The following RRAS2 variants were observed in gnomAD, a reference collection of about 807,000 sequenced individuals.
The protein encoded by RRAS2 is ras-related protein R-Ras2.
In RRAS2, 7 loss-of-function variants were observed where a neutral mutation model predicts 27.6. The observed-to-expected ratio is 0.25, with a 90% CI of 0.14 to 0.48. The LOEUF is 0.48. Ranked by LOEUF, RRAS2 falls within the 20% of genes least tolerant of loss-of-function variation. The pLI is 0.99. For missense variants in RRAS2, 178 were observed against 256.2 expected (o/e 0.69, Z 2.08); for synonymous variants, 86 against 90.9 (o/e 0.95, Z 0.31).
intron 4 of RRAS2, among the ~76,000 whole-genome samples, chr11:14,292,434 A>G (rs1360561257): frequency 1.3e-5 from 2 of 152,138 alleles, no homozygotes; most frequent in African/African-American, 2.4e-5. Context: ...AACTCCTTCA[A>G]TGCACATCTA....
chr11:14,305,541 T>C (rs908701608), intron 1 of RRAS2, among the ~76,000 whole-genome samples: 1 of 152,208 alleles, frequency 6.6e-6, no homozygotes, highest in Non-Finnish European at 1.5e-5. Context: ...CAGCCTGACC[T>C]AACTCCCCAC....
At chr11:14,314,714 G>C (rs1848056000) in intron 1 of RRAS2, among the ~76,000 whole-genome samples, 1 of 152,150 alleles carries the variant, frequency 6.6e-6, no homozygotes, top group African/African-American at 2.4e-5. Context: ...TGTTGAGATG[G>C]AGTCTCACTC....
At position 14,279,400 on chromosome 11, in the gene RRAS2, A is replaced by T. The variant is rs11023174; in HGVS notation, c.552T>A (p.Pro184=). The T allele has an allele frequency of 6.2e-7, 1 of 1,612,334 alleles. No homozygotes were observed. The highest frequency in any genetic ancestry group is 1.1e-5 in the South Asian group (1 of 91,048). ...VIRKFQEQEC[P]PSPEPTRKEK... ...CTTTCCGTGTTGGTTCTGGTGAAGGAGGACATTCCTGCTCTTGAAATTTCC... is the reference window on the plus strand; with the variant it reads ...CTTTCCGTGTTGGTTCTGGTGAAGGTGGACATTCCTGCTCTTGAAATTTCC... Residue 184 remains proline (P), a synonymous_variant, in exon 6 of 6, where the codon CCT becomes CCA. Coordinates refer to ENST00000256196, the MANE Select transcript of RRAS2 (RefSeq NM_012250.6).
intron 1 of RRAS2, among the ~76,000 whole-genome samples, chr11:14,331,477 C>T (rs868969073): frequency 1.3e-5 from 2 of 151,668 alleles, no homozygotes; most frequent in Admixed American, 1.3e-4. Flanking sequence ...CCATTGTACA[C>T]GATGTAGAAA....
intron 1 of RRAS2, among the ~76,000 whole-genome samples, chr11:14,324,163 C>A (rs1848293421): frequency 1.3e-5 from 2 of 151,552 alleles, no homozygotes; most frequent in South Asian, 4.2e-4. Context: ...ATTATCTGCA[C>A]AGGAAACAAT....
chr11:14,364,264 G>A, intron 1 of RRAS2: 1 of 873,096 alleles, frequency 1.1e-6, no homozygotes, highest in Non-Finnish European at 1.8e-6. Context: ...CAGGATCTGA[G>A]GGTAGAGTGG....
At chr11:14,363,445 G>A (rs782262643), upstream of RRAS2, among the ~76,000 whole-genome samples, 5 of 152,302 alleles carry the variant, frequency 3.3e-5, no homozygotes, top group South Asian at 2.1e-4. Flanking sequence ...CTGAGGACAC[G>A]GACTTAGAAT....
chr11:14,281,568 A>T (rs782348756), intron 5 of RRAS2, 34 bp downstream of exon 5: 1 of 1,500,702 alleles, frequency 6.7e-7, no homozygotes, highest in East Asian at 2.4e-5. Context: ...ATAGTAATTT[A>T]TTAAAACACA....
At chr11:14,282,090 C>T (rs548894896) in intron 4 of RRAS2, among the ~76,000 whole-genome samples, 5 of 152,092 alleles carry the variant, frequency 3.3e-5, no homozygotes, top group Non-Finnish European at 5.9e-5. Context: ...CAGAAGATAA[C>T]AGAGTATGGA....
At chr11:14,294,219 T>G (rs940652924) in intron 4 of RRAS2, among the ~76,000 whole-genome samples, 2 of 152,250 alleles carry the variant, frequency 1.3e-5, no homozygotes, top group Admixed American at 6.5e-5. Context: ...TGCAGGCTTA[T>G]AAAGTCTTAT....
intron 1 of RRAS2, among the ~76,000 whole-genome samples, chr11:14,345,621 C>T (rs1848813192): frequency 6.6e-6 from 1 of 152,330 alleles, no homozygotes; most frequent in South Asian, 2.1e-4. Flanking sequence ...CACTCTTCCA[C>T]TTGCCTCACT....
intron 1 of RRAS2, among the ~76,000 whole-genome samples, chr11:14,307,166 G>A (rs1241931027): frequency 6.6e-6 from 1 of 151,220 alleles, no homozygotes; most frequent in East Asian, 1.9e-4. Flanking sequence ...ACTCCAGCCT[G>A]GGTAACAGAG....
At chr11:14,282,568 C>CTTA (rs1335602861) in intron 4 of RRAS2, among the ~76,000 whole-genome samples, 1 of 151,738 alleles carries the variant, frequency 6.6e-6, no homozygotes, top group African/African-American at 2.4e-5. Context: ...TATAGTGGGG[C>CTTA]TTAAAATTAT....
chr11:14,278,683 A>G lies in RRAS2; in HGVS notation c.*654T>C, dbSNP rs1301841203. 1 of 152,278 alleles carries G rather than the reference A, an allele frequency of 6.6e-6. No homozygotes were observed. Among genetic ancestry groups the G allele is most frequent in the African/African-American group, 2.4e-5 (1 of 41,468 alleles). The allele number at this position is 152,278 out of a possible 1,614,324, so 9.4% of individuals were successfully genotyped here. On this transcript the variant is annotated 3_prime_UTR_variant, in exon 6 of 6. Transcript: ENST00000256196. The stretch of plus-strand genomic sequence containing the variant: ...AAGTACACTGAAATATCTAAGTCCT[A>G]AATGAGTCCAAATATTTGACCACAT...
chr11:14,317,884 T>C (rs547949015), intron 1 of RRAS2, among the ~76,000 whole-genome samples: 1 of 152,222 alleles, frequency 6.6e-6, no homozygotes, highest in South Asian at 2.1e-4. Flanking sequence ...TGAGCTACGA[T>C]TGCACCACTG....
intron 1 of RRAS2, among the ~76,000 whole-genome samples, chr11:14,341,253 C>T (rs1848699150): frequency 6.6e-6 from 1 of 152,276 alleles, no homozygotes; most frequent in African/African-American, 2.4e-5. Flanking sequence ...TATGATACTC[C>T]AGGTTTTCTT....
At chr11:14,298,421 T>C (rs1453997001) in intron 1 of RRAS2, among the ~76,000 whole-genome samples, 1 of 152,224 alleles carries the variant, frequency 6.6e-6, no homozygotes, top group Non-Finnish European at 1.5e-5. Context: ...AAAAGATTGT[T>C]GGTTTGATTG....
intron 1 of RRAS2, among the ~76,000 whole-genome samples, chr11:14,333,944 A>T (rs570453815): frequency 7.6e-4 from 115 of 152,306 alleles, no homozygotes; most frequent in African/African-American, 2.6e-3. Flanking sequence ...CCTTACTTTT[A>T]ATGAGCATTA....
At chr11:14,303,235 T>A (rs1017904743) in intron 1 of RRAS2, among the ~76,000 whole-genome samples, 4 of 152,236 alleles carry the variant, frequency 2.6e-5, no homozygotes, top group Non-Finnish European at 5.9e-5. Flanking sequence ...GTATACTATA[T>A]AATTGCTACT....
Sources: allele counts gnomAD v4.1 joint callset (sites outside exome capture counted in the v4.1 genomes callset), GRCh38; gene constraint gnomAD v4.1.1; transcripts MANE v1.5; gene names NCBI Gene and HGNC (gene_info 2026-07-23, HGNC 2026-07-21).